LRCH2: variants seen among roughly 807,000 people sequenced by gnomAD.
LRCH2 encodes leucine rich repeats and calponin homology domain containing 2.
LRCH2 carries 38 observed loss-of-function variants against 68.9 expected under a neutral mutation model. That is an observed-to-expected ratio of 0.55 (90% CI 0.43 to 0.72). LRCH2 has a LOEUF of 0.72. LRCH2 is among the 30% of genes least tolerant of loss of function. The pLI is 0.00. For synonymous variants in LRCH2, 191 were observed against 208.1 expected, an observed-to-expected ratio of 0.92 and a Z score of 0.71; for missense variants, 528 against 572.9, an observed-to-expected ratio of 0.92 and a Z score of 0.80.
At chrX:115,149,522 A>G (rs1183941222) in intron 14 of LRCH2, among the ~76,000 whole-genome samples, 1 of 112,073 alleles carries the variant, frequency 8.9e-6, no homozygotes, top group Non-Finnish European at 1.9e-5. Context: ...CCAATGAAAG[A>G]CTTTTCCTGG....
intron 1 of LRCH2, among the ~76,000 whole-genome samples, chrX:115,227,355 C>T (rs2147370161): frequency 9.2e-6 from 1 of 108,937 alleles, no homozygotes; most frequent in South Asian, 4.1e-4. Flanking sequence ...CCTCTCCAAC[C>T]CTACCCTTCC....
At chrX:115,149,411 C>A (rs1556537612) in intron 14 of LRCH2, among the ~76,000 whole-genome samples, 1 of 111,524 alleles carries the variant, frequency 9.0e-6, no homozygotes, top group Non-Finnish European at 1.9e-5. Flanking sequence ...ATGGAAAAAT[C>A]TGCCCTCAAG....
At chrX:115,135,340 G>A (rs1202918725) in intron 14 of LRCH2, among the ~76,000 whole-genome samples, 1 of 108,875 alleles carries the variant, frequency 9.2e-6, no homozygotes, top group African/African-American at 3.3e-5. Flanking sequence ...ATTGGCCCAA[G>A]CTGGTCTCAA....
intron 1 of LRCH2, among the ~76,000 whole-genome samples, chrX:115,196,962 G>A (rs1169493327): frequency 9.1e-6 from 1 of 109,564 alleles, no homozygotes; most frequent in African/African-American, 3.3e-5. Context: ...CCTGATGATG[G>A]GCCCATCAGG....
intron 1 of LRCH2, among the ~76,000 whole-genome samples, chrX:115,197,551 G>A (rs1383678364): frequency 5.2e-4 from 57 of 110,562 alleles, no homozygotes; most frequent in African/African-American, 1.5e-3. Context: ...CAGGTGTTTA[G>A]GACCAGCTTG....
In LRCH2 at chrX:115,189,828, C is replaced by T. The variant is rs781888519; in HGVS notation, c.350-1458G>A. 6 of 1,167,153 alleles carry T rather than the reference C, an allele frequency of 5.1e-6. 1 individual carries two copies. The highest frequency in any genetic ancestry group is 3.8e-5 in the South Asian group (2 of 52,787). On this transcript the variant is annotated intron_variant, in intron 1 of 20. Transcript: ENST00000317135. The stretch of plus-strand genomic sequence containing the variant: ...CCCCCTCTCAGGGCAGGCCTGATGA[C>T]GGCCGCGGCTACGCGGGGTATTTCG...
chrX:115,223,601 G>A (rs1353088634), intron 1 of LRCH2, among the ~76,000 whole-genome samples: 3 of 110,487 alleles, frequency 2.7e-5, no homozygotes, highest in Non-Finnish European at 3.8e-5. Flanking sequence ...ATGAGGAAAA[G>A]TCAAATCAAA....
At chrX:115,173,309 G>A (rs1430141025) in intron 5 of LRCH2, among the ~76,000 whole-genome samples, 2 of 111,443 alleles carry the variant, frequency 1.8e-5, no homozygotes, top group African/African-American at 3.3e-5. Context: ...TCGATAAGCC[G>A]GGGAAGTTCG....
intron 1 of LRCH2, among the ~76,000 whole-genome samples, chrX:115,211,157 G>C (rs1250519518): frequency 1.8e-5 from 2 of 111,617 alleles, no homozygotes; most frequent in African/African-American, 6.5e-5. Context: ...CATGAGATTT[G>C]GGAGGAGTCA....
At chrX:115,171,726 G>A (rs1556547604) in intron 5 of LRCH2, among the ~76,000 whole-genome samples, 1 of 105,741 alleles carries the variant, frequency 9.5e-6, no homozygotes, top group African/African-American at 3.5e-5. Context: ...TCATTCTGTC[G>A]CCCAGGCTGG....
At chrX:115,219,576 T>C (rs1213025694) in intron 1 of LRCH2, among the ~76,000 whole-genome samples, 1 of 111,519 alleles carries the variant, frequency 9.0e-6, no homozygotes, top group African/African-American at 3.3e-5. Flanking sequence ...CAGCTCCCCA[T>C]GTCCCTAGTC....
chrX:115,111,311 CACT>C lies in LRCH2; in HGVS notation c.*1902_*1904del, dbSNP rs2147334879. The C allele has an allele frequency of 9.0e-6, 1 of 110,684 alleles. No individual in the cohort carries two copies. Among genetic ancestry groups the C allele is most frequent in the African/African-American group, 3.3e-5 (1 of 30,543 alleles). 9.1% of individuals were successfully genotyped at this position (110,684 alleles called of 1,213,427 possible). On this transcript the variant is annotated 3_prime_UTR_variant, in exon 21 of 21. Coordinates refer to ENST00000317135, the MANE Select transcript of LRCH2 (RefSeq NM_020871.4). ...GTTATAAGAAAATGGCCTACAATTT[CACT>C]ACTACTTCAAAGATATGAAACAGGA...
At chrX:115,192,268 T>C (rs1556561075) in intron 1 of LRCH2, 1 of 1,164,432 alleles carries the variant, frequency 8.6e-7, no homozygotes, top group Admixed American at 2.6e-5. Context: ...GAGCCACCGC[T>C]ACGGAGGAGG....
At chrX:115,131,532 T>C (rs1556530213) in intron 14 of LRCH2, among the ~76,000 whole-genome samples, 1 of 111,652 alleles carries the variant, frequency 9.0e-6, no homozygotes, top group Admixed American at 9.5e-5. Context: ...TGGTTCCAAG[T>C]CTTTGCTATT....
intron 3 of LRCH2, among the ~76,000 whole-genome samples, chrX:115,182,002 A>C (rs1183234637): frequency 2.7e-5 from 3 of 111,286 alleles, no homozygotes; most frequent in Non-Finnish European, 3.8e-5. Context: ...CACAGCATTT[A>C]CACTGTATTA....
At chrX:115,144,632 C>T (rs1308390986) in intron 14 of LRCH2, among the ~76,000 whole-genome samples, 4 of 109,283 alleles carry the variant, frequency 3.7e-5, no homozygotes, top group African/African-American at 1.0e-4. Context: ...ATACAAAAGT[C>T]AGTAGGATTT....
chrX:115,161,702 T>A (rs1556541790), intron 11 of LRCH2, among the ~76,000 whole-genome samples: 2 of 111,103 alleles, frequency 1.8e-5, no homozygotes, highest in African/African-American at 6.5e-5. Context: ...TGCTATTTTG[T>A]ACTGATTACA....
intron 6 of LRCH2, among the ~76,000 whole-genome samples, chrX:115,166,790 G>T (rs1271531037): frequency 9.0e-6 from 1 of 110,558 alleles, no homozygotes; most frequent in African/African-American, 3.3e-5. Flanking sequence ...ATGTAAAAAT[G>T]AAAGCTACAA....
intron 14 of LRCH2, among the ~76,000 whole-genome samples, chrX:115,135,270 G>A (rs1276732138): frequency 9.3e-6 from 1 of 108,002 alleles, no homozygotes; most frequent in Non-Finnish European, 1.9e-5. Flanking sequence ...GGGGACTACA[G>A]GCATGTGCCA....
Sources: allele counts gnomAD v4.1 joint callset (sites outside exome capture counted in the v4.1 genomes callset), GRCh38; gene constraint gnomAD v4.1.1; transcripts MANE v1.5; gene names NCBI Gene and HGNC (gene_info 2026-07-23, HGNC 2026-07-21).